Variants in FMN1 observed in about 807,000 individuals in gnomAD.
FMN1 encodes formin 1.
FMN1 carries 110 observed loss-of-function variants against 132.4 expected under a neutral mutation model. The observed-to-expected ratio is 0.83, with a 90% CI of 0.71 to 0.97. The LOEUF is 0.97. Ranked by LOEUF, FMN1 falls within the 50% of genes least tolerant of loss-of-function variation. FMN1 has a pLI of 0.00. For missense variants in FMN1, 1,792 were observed against 1,705.3 expected (o/e 1.05, Z -0.90); for synonymous variants, 722 against 651.7 (o/e 1.11, Z -1.64).
At chr15:33,015,841 T>C (rs1216796917) in intron 6 of FMN1, among the ~76,000 whole-genome samples, 1 of 152,258 alleles carries the variant, frequency 6.6e-6, no homozygotes, top group African/African-American at 2.4e-5. Context: ...TGTTTTAATG[T>C]GCATTAGGGA....
At chr15:33,042,769 ACCC>A (rs201626289) in intron 6 of FMN1, among the ~76,000 whole-genome samples, 27 of 80,180 alleles carry the variant, frequency 3.4e-4, no homozygotes, top group South Asian at 3.0e-3. Flanking sequence ...ACAGAAAAGA[ACCC>A]CCCAACTTTT....
rs1346369145 is a variant in FMN1 at position 32,769,917 on chromosome 15, GTTT to G, written c.*4390_*4392del. On this transcript the variant is annotated 3_prime_UTR_variant, in exon 21 of 21. Transcript: ENST00000616417. ...TCCTCTCCACTTTTTGGCCATTTTT[GTTT>G]TTATTAGGACAGACAGGATAAAAGA... 1 of 146,528 alleles carries G rather than the reference GTTT, an allele frequency of 6.8e-6. No homozygotes were observed. The highest frequency in any genetic ancestry group is 6.6e-5 in the Admixed American group (1 of 15,134). The allele number at this position is 146,528 out of a possible 1,614,324, so 9.1% of individuals were successfully genotyped here.
chr15:33,165,224 A>C (rs1222125733), intron 3 of FMN1, among the ~76,000 whole-genome samples: 1 of 152,178 alleles, frequency 6.6e-6, no homozygotes, highest in South Asian at 2.1e-4. Flanking sequence ...AAATATCGGG[A>C]GTATCTTTTT....
chr15:33,127,883 T>TA (rs1963252862), intron 4 of FMN1, among the ~76,000 whole-genome samples: 1 of 152,166 alleles, frequency 6.6e-6, no homozygotes, highest in Non-Finnish European at 1.5e-5. Flanking sequence ...CGAGGAATCT[T>TA]ATGCCTCTCT....
intron 16 of FMN1, among the ~76,000 whole-genome samples, chr15:32,867,294 T>C (rs570334882): frequency 2.0e-5 from 3 of 152,240 alleles, no homozygotes; most frequent in Non-Finnish European, 4.4e-5. Context: ...TCCCTCAAGC[T>C]GGCCTGCAAG....
At position 32,857,076 on chromosome 15, in the gene FMN1, C is replaced by G. The variant is rs1349010998; in HGVS notation, c.3867G>C (p.Lys1289Asn). ...ASEKQMVVVC[K>N]ESPKEYLQPF... ...GCTGGAGATACTCCTTTGGGGACTC[C>G]TTGCACACCACCACCATCTGTTTCT... Residue 1289 changes from lysine to asparagine, a missense_variant, in exon 17 of 21, where the codon AAG becomes AAC. Transcript: ENST00000616417. 6.2e-7 allele frequency: 1 copy of G among 1,613,836 alleles called. No homozygotes were observed. The highest frequency in any genetic ancestry group is 1.7e-5 in the Admixed American group (1 of 60,036).
intron 4 of FMN1, among the ~76,000 whole-genome samples, chr15:33,119,916 T>C (rs183816913): frequency 6.6e-6 from 1 of 152,368 alleles, no homozygotes; most frequent in East Asian, 1.9e-4. Flanking sequence ...TTTGTGTTTA[T>C]ATTGTGTCTT....
chr15:32,967,514 T>C (rs993355900), intron 8 of FMN1, among the ~76,000 whole-genome samples: 7 of 152,132 alleles, frequency 4.6e-5, no homozygotes, highest in South Asian at 2.1e-4. Context: ...TGAGTCTTTA[T>C]TGGGAAAAAG....
intron 9 of FMN1, among the ~76,000 whole-genome samples, chr15:32,940,857 G>A (rs1466105251): frequency 6.6e-6 from 1 of 152,136 alleles, no homozygotes; most frequent in Non-Finnish European, 1.5e-5. Flanking sequence ...CGGGCATTAA[G>A]ACCCAATAGC....
At chr15:33,113,326 A>T (rs957516069) in intron 4 of FMN1, among the ~76,000 whole-genome samples, 1 of 152,224 alleles carries the variant, frequency 6.6e-6, no homozygotes, top group Non-Finnish European at 1.5e-5. Flanking sequence ...ACGTAGGTCC[A>T]CTACAAAATT....
At chr15:32,984,146 A>G (rs964942547) in intron 7 of FMN1, among the ~76,000 whole-genome samples, 2 of 152,274 alleles carry the variant, frequency 1.3e-5, no homozygotes, top group East Asian at 3.9e-4. Flanking sequence ...CTTTTATAAG[A>G]AAAAAAGACC....
At chr15:33,181,030 C>T (rs1170553301) in intron 2 of FMN1, among the ~76,000 whole-genome samples, 2 of 152,178 alleles carry the variant, frequency 1.3e-5, no homozygotes, top group Non-Finnish European at 2.9e-5. Flanking sequence ...GGATTACAGG[C>T]ATGAGCCACC....
chr15:32,924,229 T>C (rs2060902255), intron 10 of FMN1, among the ~76,000 whole-genome samples: 1 of 152,218 alleles, frequency 6.6e-6, no homozygotes, highest in Non-Finnish European at 1.5e-5. Flanking sequence ...CCAAACTCAC[T>C]GTATCTGAGG....
At chr15:32,887,864 G>C (rs145800034) in intron 16 of FMN1, among the ~76,000 whole-genome samples, 232 of 152,230 alleles carry the variant, frequency 1.5e-3, no homozygotes, top group Middle Eastern at 0.01. Flanking sequence ...TGAGACAACA[G>C]TAAGCATCTA....
chr15:32,874,317 G>A (rs942694412), intron 16 of FMN1, among the ~76,000 whole-genome samples: 11 of 151,872 alleles, frequency 7.2e-5, no homozygotes, highest in Non-Finnish European at 1.5e-4. Flanking sequence ...CACCAAGCCC[G>A]GCCTATATTA....
intron 19 of FMN1, among the ~76,000 whole-genome samples, chr15:32,783,836 T>A (rs11631485): frequency 6.7e-6 from 1 of 149,068 alleles, no homozygotes; most frequent in Non-Finnish European, 1.5e-5. Flanking sequence ...CCCACTGTTA[T>A]AGCCTCATCT....
intron 3 of FMN1, among the ~76,000 whole-genome samples, chr15:33,161,931 GAA>G (rs76817753): frequency 0.048 from 7,053 of 146,212 alleles, 189 homozygotes; most frequent in Non-Finnish European, 0.061. Flanking sequence ...AAACAAAAAA[GAA>G]AAAAAAAAAA....
In FMN1 at chr15:32,969,489, T is replaced by G. The variant is rs763338965; in HGVS notation, c.2224-12A>C. On this transcript the variant is annotated splice_polypyrimidine_tract_variant and intron_variant, in intron 7 of 20. Transcript: ENST00000616417. ...AGTTCAAACTGTGCCTATAGGAAAA[T>G]TCAGAGGGAAAGAAAGTAATGAGTT... The G allele has an allele frequency of 8.7e-6, 14 of 1,610,236 alleles. No individual in the cohort carries two copies. The highest frequency in any genetic ancestry group is 1.2e-5 in the Non-Finnish European group (14 of 1,178,130).
intron 9 of FMN1, among the ~76,000 whole-genome samples, chr15:32,930,188 C>T (rs1032887658): frequency 1.3e-5 from 2 of 151,808 alleles, no homozygotes; most frequent in African/African-American, 2.4e-5. Context: ...GGGGTTTCAC[C>T]GTGTTAGCCA....
Sources: gnomAD v4.1 joint callset for allele counts (sites outside exome capture counted in the v4.1 genomes callset) on GRCh38, gnomAD v4.1.1 for gene constraint, MANE v1.5 for transcripts, NCBI Gene and HGNC (gene_info 2026-07-23, HGNC 2026-07-21) for gene names.